The following NOS1 variants were observed in gnomAD, a reference collection of about 807,000 sequenced individuals.
NOS1 encodes the protein NOS type I.
NOS1 carries 51 observed loss-of-function variants against 164.5 expected under a neutral mutation model. The ratio of observed to expected loss-of-function variants is 0.31; its 90% CI spans 0.25 to 0.39. NOS1 has a LOEUF of 0.39. Ranked by LOEUF, NOS1 falls within the 10% of genes least tolerant of loss-of-function variation. NOS1 has a pLI of 1.00. For missense variants in NOS1, 1,362 were observed against 1,885.6 expected (o/e 0.72, Z 5.14); for synonymous variants, 719 against 745.8 (o/e 0.96, Z 0.59).
At chr12:117,261,465 G>A (rs928397139) in intron 13 of NOS1, among the ~76,000 whole-genome samples, 1 of 152,134 alleles carries the variant, frequency 6.6e-6, no homozygotes, top group East Asian at 1.9e-4. Flanking sequence ...TAATGTGTGT[G>A]TGTATGCACA....
chr12:117,345,750 T>C (rs1375950290), intron 1 of NOS1, among the ~76,000 whole-genome samples: 4 of 152,140 alleles, frequency 2.6e-5, no homozygotes, highest in Admixed American at 1.3e-4. Context: ...ATCCCAACAC[T>C]TTGGGAGGTT....
chr12:117,241,228 G>A (rs758108162), intron 20 of NOS1, among the ~76,000 whole-genome samples: 3 of 152,154 alleles, frequency 2.0e-5, no homozygotes, highest in South Asian at 2.1e-4. Flanking sequence ...GTGAGCCACC[G>A]TGCCTGGCCA....
At chr12:117,283,402 C>T (rs1375403580) in intron 7 of NOS1, among the ~76,000 whole-genome samples, 1 of 152,130 alleles carries the variant, frequency 6.6e-6, no homozygotes, top group African/African-American at 2.4e-5. Flanking sequence ...CGCTTTCAGA[C>T]ATGAGGGTTA....
At chr12:117,322,666 C>T (rs557957198) in intron 2 of NOS1, among the ~76,000 whole-genome samples, 1 of 129,856 alleles carries the variant, frequency 7.7e-6, no homozygotes, top group African/African-American at 2.8e-5. Context: ...TCCCTCCTTC[C>T]GTCCCTGCTT....
At chr12:117,254,055 A>G (rs9658443) in intron 16 of NOS1, among the ~76,000 whole-genome samples, 3,648 of 152,286 alleles carry the variant, frequency 0.024, 132 homozygotes, top group African/African-American at 0.081. Flanking sequence ...AGTCAGGAAC[A>G]GAACTAACTA....
intron 11 of NOS1, 87 bp from the exon 12 acceptor site, chr12:117,265,597 A>G: frequency 9.7e-7 from 1 of 1,033,670 alleles, no homozygotes; most frequent in Non-Finnish European, 1.3e-6. Flanking sequence ...GCATTTCCCA[A>G]AGGGTGGTCC....
At chr12:117,218,240 C>T (rs1956642459) in intron 27 of NOS1, 76 bp from the exon 28 acceptor site, 11 of 1,028,124 alleles carry the variant, frequency 1.1e-5, no homozygotes, top group Non-Finnish European at 1.5e-5. Flanking sequence ...ACTTGCCTGA[C>T]ACCTGGAATG....
At chr12:117,327,902 T>G (rs1209106419) in intron 2 of NOS1, among the ~76,000 whole-genome samples, 18 of 152,094 alleles carry the variant, frequency 1.2e-4, no homozygotes, top group Non-Finnish European at 1.8e-4. Context: ...GGGGGGCTCT[T>G]GGGTCTCACT....
At position 117,258,411 on chromosome 12, in the gene NOS1, C is replaced by T. The variant is rs554622990; in HGVS notation, c.2517G>A (p.Val839=). The part of the protein sequence containing the change: ...ALMEMRHPNS[V]QEERKSYKVR... ...CATTCACTTACTTCCTTTCTTCCTGCACAGAGTTGGGGTGCCTCATTTCCA... is the reference window on the plus strand; with the variant it reads ...CATTCACTTACTTCCTTTCTTCCTGTACAGAGTTGGGGTGCCTCATTTCCA... Residue 839 remains valine (V), a synonymous_variant, in exon 16 of 29, where the codon GTG becomes GTA. Transcript: ENST00000317775. The T allele has an allele frequency of 6.2e-7, 1 of 1,614,162 alleles. No individual in the cohort carries two copies. The highest frequency in any genetic ancestry group is 1.3e-5 in the African/African-American group (1 of 75,036).
chr12:117,212,690 C>T lies in NOS1; in HGVS notation c.*2619G>A, dbSNP rs1033900945. 5 of 985,304 alleles carry T rather than the reference C, an allele frequency of 5.1e-6. No homozygotes were observed. In the African/African-American group the frequency reaches 7.0e-5, roughly 14 times the overall value. The allele number at this position is 985,304 out of a possible 1,614,324, so 61.0% of individuals were successfully genotyped here. On this transcript the variant is annotated 3_prime_UTR_variant, in exon 29 of 29. Coordinates refer to ENST00000317775, the MANE Select transcript of NOS1 (RefSeq NM_000620.5). ...ATAACCCCCAAATATCTTGTCAACC[C>T]TATTTTGCTTACCCATTGCTTAATT...
At position 117,272,501 on chromosome 12, in the gene NOS1, T is replaced by C; in HGVS notation, c.1723A>G (p.Met575Val). The C allele has an allele frequency of 6.2e-7, 1 of 1,614,158 alleles. No homozygotes were observed. The highest frequency in any genetic ancestry group is 8.5e-7 in the Non-Finnish European group (1 of 1,180,016). ...KWYGLPAVSNMLLEIGGLEFS... is the reference protein window; with the variant it reads ...KWYGLPAVSNVLLEIGGLEFS... ...TCCAGGCCGCCAATCTCTAGGAGCATGTTGGACACGGCGGGGAGGCCGTAC... is the reference window on the plus strand; with the variant it reads ...TCCAGGCCGCCAATCTCTAGGAGCACGTTGGACACGGCGGGGAGGCCGTAC... Residue 575 changes from methionine (M) to valine (V), a missense_variant, in exon 10 of 29, where the codon ATG becomes GTG. This residue lies in a region of NOS1 where 134 missense variants were observed against 267.3 expected (regional missense o/e 0.50). Transcript: ENST00000317775. This position sits in a 1 kb window ranked among gnomAD's most constrained non-coding sequence, Gnocchi z 4.3.
intron 17 of NOS1, among the ~76,000 whole-genome samples, chr12:117,251,790 G>A (rs189519863): frequency 1.5e-3 from 224 of 151,516 alleles, no homozygotes; most frequent in Non-Finnish European, 3.0e-3. Flanking sequence ...GGAATGCAGT[G>A]GCGCCATCTC....
chr12:117,276,269 T>C (rs1047290532), intron 9 of NOS1, among the ~76,000 whole-genome samples: 2 of 152,086 alleles, frequency 1.3e-5, no homozygotes, highest in Middle Eastern at 3.2e-3. Flanking sequence ...AAATAATAGG[T>C]TGTATTCATT....
intron 3 of NOS1, among the ~76,000 whole-genome samples, chr12:117,294,928 G>A (rs1008733841): frequency 6.6e-6 from 1 of 152,170 alleles, no homozygotes; most frequent in African/African-American, 2.4e-5. Flanking sequence ...AGCTTGCAGA[G>A]GCCCTGAAGG....
At chr12:117,258,542 T>G in intron 15 of NOS1, 87 bp from the exon 16 acceptor site, 2 of 1,373,824 alleles carry the variant, frequency 1.5e-6, no homozygotes, top group Non-Finnish European at 2.1e-6. Context: ...GTCCTGGCTG[T>G]CAAAGAGGAG....
intron 2 of NOS1, among the ~76,000 whole-genome samples, chr12:117,314,170 T>C (rs575296041): frequency 6.6e-6 from 1 of 152,346 alleles, no homozygotes; most frequent in African/African-American, 2.4e-5. Context: ...TGGAGAGGTT[T>C]GCATTCATCA....
At chr12:117,259,494 C>G (rs905896113) in intron 14 of NOS1, among the ~76,000 whole-genome samples, 2 of 152,058 alleles carry the variant, frequency 1.3e-5, no homozygotes, top group Non-Finnish European at 2.9e-5. Context: ...TCTTCCTGAC[C>G]CCAGTTAGGC....
At position 117,259,105 on chromosome 12, in the gene NOS1, A is replaced by G. The variant is rs934830317; in HGVS notation, c.2393T>C (p.Ile798Thr). 6.2e-6 allele frequency: 10 copies of G among 1,613,908 alleles called. No individual in the cohort carries two copies. The African/African-American group carries it at 8.0e-5, about 13-fold the overall frequency. ...AKVMSMEEYD[I>T]VHLEHETLVL... Reference sequence around the variant, plus strand: ...CAGAGTTTCATGTTCCAGGTGCACAATGTCATATTCTTCCATGGACATCAC... The same window carrying G: ...CAGAGTTTCATGTTCCAGGTGCACAGTGTCATATTCTTCCATGGACATCAC... The change falls in exon 15 of 29, where the codon ATT (isoleucine) becomes ACT (threonine). Residue 798 changes from isoleucine (I) to threonine (T), a missense_variant. Around this residue, in one of 4 missense-constraint regions of NOS1, gnomAD observed 737 missense variants for 1,030.3 expected, o/e 0.72. Transcript: ENST00000317775.
In NOS1 at chr12:117,270,742, G is replaced by A. The variant is rs536991897; in HGVS notation, c.1839+1643C>T. Among the ~76,000 whole-genome samples the A allele has an allele frequency of 6.6e-5, 10 of 152,214 alleles. 1 individual carries two copies. The South Asian group carries it at 1.9e-3, about 28-fold the overall frequency. ...TTCCTGCTAGAAGTTTGCACACATT[G>A]GTGGTTGTTTAGGCTGGGCGTGGTG... On this transcript the variant is annotated intron_variant, in intron 10 of 28. Transcript: ENST00000317775.
Sources: gnomAD v4.1 joint callset for allele counts (sites outside exome capture counted in the v4.1 genomes callset) on GRCh38, gnomAD v4.1.1 for gene constraint, gnomAD v4.1.1 regional missense constraint, Gnocchi (gnomAD v3.1) non-coding constraint, MANE v1.5 for transcripts, NCBI Gene and HGNC (gene_info 2026-07-23, HGNC 2026-07-21) for gene names.